STAMBP: variants seen among roughly 807,000 people sequenced by gnomAD.
The protein encoded by STAMBP is STAM-binding protein.
In STAMBP, 31 loss-of-function variants were observed where a neutral mutation model predicts 50.7. The ratio of observed to expected loss-of-function variants is 0.61; its 90% confidence interval spans 0.46 to 0.83. STAMBP has a LOEUF of 0.83. Ranked by LOEUF, STAMBP falls within the 40% of genes least tolerant of loss-of-function variation. STAMBP has a pLI of 0.00. For synonymous variants in STAMBP, 211 were observed against 192.4 expected (o/e 1.10, Z -0.80); for missense variants, 472 against 518.9 (o/e 0.91, Z 0.88).
Position 73,864,707 on chromosome 2 carries a change from C to T in STAMBP, c.*2448C>T, listed in dbSNP as rs553726262. On this transcript the variant is annotated 3_prime_UTR_variant, in exon 10 of 10. Coordinates refer to ENST00000394070, the MANE Select transcript of STAMBP (RefSeq NM_213622.4). ...GCTCAAAGACCAGGAGACTTTTCCACTCTTGCAAGCTGCACAAGTACCATA... is the reference window on the plus strand; with the variant it reads ...GCTCAAAGACCAGGAGACTTTTCCATTCTTGCAAGCTGCACAAGTACCATA... 1.3e-5 allele frequency: 2 copies of T among 152,266 alleles called. No individual in the cohort carries two copies. Among genetic ancestry groups the T allele is most frequent in the African/African-American group, 2.4e-5 (1 of 41,470 alleles). The allele number at this position is 152,266 out of a possible 1,614,324, so 9.4% of individuals were successfully genotyped here. A position where few individuals can be genotyped will look rare whatever the true frequency, so the allele number is the denominator to read the frequency against.
intron 1 of STAMBP, 26 bp from the exon 2 acceptor site, chr2:73,830,819 G>C (rs772397732): frequency 8.8e-6 from 14 of 1,590,840 alleles, no homozygotes; most frequent in Admixed American, 1.7e-5. Context: ...CAACGGTATT[G>C]ATGCCATCTG....
At chr2:73,870,122 G>A (rs887583619), downstream of STAMBP, 6 of 152,092 alleles carry the variant, frequency 3.9e-5, no homozygotes, top group African/African-American at 1.4e-4. Context: ...GGACAAAAAG[G>A]ACAATACCTT....
intron 2 of STAMBP, among the ~76,000 whole-genome samples, chr2:73,840,405 T>C (rs914010530): frequency 3.3e-5 from 5 of 151,624 alleles, no homozygotes; most frequent in African/African-American, 1.2e-4. Flanking sequence ...TTTATAATGA[T>C]CTCTAGGATA....
downstream of STAMBP, among the ~76,000 whole-genome samples, chr2:73,871,848 A>G (rs1469486752): frequency 2.0e-5 from 3 of 151,960 alleles, no homozygotes; most frequent in African/African-American, 7.3e-5. Context: ...GCTCACCGCA[A>G]CCTCTACCTC....
chr2:73,855,539 C>T, intron 7 of STAMBP: 5 of 453,744 alleles, frequency 1.1e-5, no homozygotes, highest in South Asian at 7.8e-5. Flanking sequence ...CAGTTAGAAT[C>T]CTGGACTCTA....
chr2:73,853,121 ATGG>A (rs1447036223), intron 7 of STAMBP, among the ~76,000 whole-genome samples: 1 of 152,112 alleles, frequency 6.6e-6, no homozygotes, highest in African/African-American at 2.4e-5. Flanking sequence ...GAGCTCCAGA[ATGG>A]TGAAGACTCG....
chr2:73,857,917 C>G (rs1045800413), intron 7 of STAMBP, among the ~76,000 whole-genome samples: 1 of 152,020 alleles, frequency 6.6e-6, no homozygotes, highest in Non-Finnish European at 1.5e-5. Context: ...TCCCCTTCCC[C>G]TCTCTCATTG....
intron 2 of STAMBP, among the ~76,000 whole-genome samples, chr2:73,834,080 G>C (rs575632737): frequency 1.3e-5 from 2 of 150,516 alleles, no homozygotes; most frequent in Non-Finnish European, 3.0e-5. Flanking sequence ...GTGTGGTGGC[G>C]GGTGCCTGTA....
At chr2:73,868,247 T>A (rs911303090), downstream of STAMBP, among the ~76,000 whole-genome samples, 1 of 151,610 alleles carries the variant, frequency 6.6e-6, no homozygotes, top group Admixed American at 6.6e-5. Flanking sequence ...GATGCAAAAA[T>A]TCTAAATAGA....
chr2:73,844,294 G>A (rs1217248292), intron 2 of STAMBP, among the ~76,000 whole-genome samples: 1 of 152,162 alleles, frequency 6.6e-6, no homozygotes, highest in East Asian at 1.9e-4. Flanking sequence ...GTATTTCCAT[G>A]CATTTTTGTA....
rs1315047802 is a variant in STAMBP, at chr2:73,861,643, C to T, written c.1219-560C>T. 3.3e-5 allele frequency among the ~76,000 whole-genome samples: 5 copies of T among 151,136 alleles called. No homozygotes were observed. In the South Asian group the frequency reaches 8.4e-4, roughly 25 times the overall value. The stretch of plus-strand genomic sequence containing the variant: ...AAACAATTCTGCTGCCTCAGCCTCT[C>T]GAGTAGCTGGGACTACAGGTGCGCG... On this transcript the variant is annotated intron_variant, in intron 9 of 9. Coordinates refer to ENST00000394070, the MANE Select transcript of STAMBP (RefSeq NM_213622.4).
chr2:73,869,848 G>C (rs375989235), downstream of STAMBP, among the ~76,000 whole-genome samples: 4 of 152,194 alleles, frequency 2.6e-5, no homozygotes, highest in Admixed American at 6.5e-5. Flanking sequence ...AGACTTAGAA[G>C]AGTTTAAGTT....
At chr2:73,834,209 T>TTAA (rs1234284980) in intron 2 of STAMBP, among the ~76,000 whole-genome samples, 3 of 8,556 alleles carry the variant, frequency 3.5e-4, no homozygotes, top group Non-Finnish European at 7.2e-4. Context: ...GATCATGTCT[T>TTAA]AAAAAAAAAA....
chr2:73,870,176 A>G (rs1679146209), downstream of STAMBP: 1 of 152,232 alleles, frequency 6.6e-6, no homozygotes, highest in South Asian at 2.1e-4. Flanking sequence ...CAATGTGGGA[A>G]TCCAGCCAGA....
intron 2 of STAMBP, among the ~76,000 whole-genome samples, chr2:73,844,292 A>T (rs1297715007): frequency 6.6e-6 from 1 of 152,246 alleles, no homozygotes; most frequent in African/African-American, 2.4e-5. Context: ...AAGTATTTCC[A>T]TGCATTTTTG....
chr2:73,847,254 A>C (rs1558575938), intron 4 of STAMBP, 133 bp from the exon 5 acceptor site: 4 of 1,131,338 alleles, frequency 3.5e-6, no homozygotes. Context: ...TGAGGAAAGC[A>C]TGAATTCTGT....
rs542473397 is a variant in STAMBP at position 73,845,069 on chromosome 2, T to C, written c.280-98T>C. Reference sequence around the variant, plus strand: ...ACAGTAGGGGGTATTTTAAATCATTTTGGGAAATGTTGCAGTCACCAACTT... The same window carrying C: ...ACAGTAGGGGGTATTTTAAATCATTCTGGGAAATGTTGCAGTCACCAACTT... On this transcript the variant is annotated intron_variant, in intron 3 of 9. Transcript: ENST00000394070. The C allele has an allele frequency of 3.1e-5, 49 of 1,564,642 alleles. No individual in the cohort carries two copies. The East Asian group carries it at 9.8e-4, about 31-fold the overall frequency.
At position 73,835,761 on chromosome 2, in the gene STAMBP, A is replaced by C. The variant is rs576610100; in HGVS notation, c.203+4702A>C. On this transcript the variant is annotated intron_variant, in intron 2 of 9. Transcript: ENST00000394070. ...TGTATTGAGATGGGAAAAGCCCTCT[A>C]AAGAGGGCTGGGTAGCGGGGGAATT... Among the ~76,000 whole-genome samples the C allele has an allele frequency of 2.4e-3, 368 of 152,276 alleles. 6 individuals carry two copies. Among genetic ancestry groups the C allele is most frequent in the East Asian group, 1.7e-3 (9 of 5,184 alleles).
chr2:73,856,696 A>G (rs567149914), intron 7 of STAMBP, among the ~76,000 whole-genome samples: 1 of 152,320 alleles, frequency 6.6e-6, no homozygotes, highest in South Asian at 2.1e-4. Flanking sequence ...ATCCAACATC[A>G]TAGTCCTTGA....
Sources: gnomAD v4.1 joint callset for allele counts (sites outside exome capture counted in the v4.1 genomes callset) on GRCh38, gnomAD v4.1.1 for gene constraint, MANE v1.5 for transcripts, NCBI Gene and HGNC (gene_info 2026-07-23, HGNC 2026-07-21) for gene names.